Variants in APBA2 observed in about 807,000 individuals in gnomAD.
APBA2 encodes amyloid-beta A4 precursor protein-binding family A member 2.
APBA2 carries 30 observed loss-of-function variants against 75.0 expected under a neutral mutation model. The ratio of observed to expected loss-of-function variants is 0.40; its 90% CI spans 0.30 to 0.54. APBA2 has a LOEUF of 0.54. Among genes scored for constraint, APBA2 ranks in the 20% least tolerant of loss-of-function variants. The pLI is 0.49. For synonymous variants in APBA2, 444 were observed against 409.6 expected (o/e 1.08, Z -1.01); for missense variants, 801 against 1,016.1 (o/e 0.79, Z 2.88).
At chr15:29,067,925 G>A (rs756954477) in intron 4 of APBA2, among the ~76,000 whole-genome samples, 1 of 152,114 alleles carries the variant, frequency 6.6e-6, no homozygotes, top group African/African-American at 2.4e-5. Flanking sequence ...TGGACTCCTC[G>A]TATTAGGAGA....
chr15:28,931,416 C>T (rs778998719), intron 2 of APBA2, among the ~76,000 whole-genome samples: 2 of 152,190 alleles, frequency 1.3e-5, no homozygotes, highest in East Asian at 1.9e-4. Flanking sequence ...GGGAGTCTCA[C>T]GCCACTGCCT....
chr15:28,939,992 A>G (rs575256799), intron 2 of APBA2, among the ~76,000 whole-genome samples: 159 of 152,358 alleles, frequency 1.0e-3, no homozygotes, highest in African/African-American at 3.7e-3. Flanking sequence ...TTACAGCCCT[A>G]CAAAGTGGGA....
intron 1 of APBA2, among the ~76,000 whole-genome samples, chr15:28,913,074 A>G (rs999726395): frequency 2.0e-5 from 3 of 152,254 alleles, no homozygotes; most frequent in Admixed American, 2.0e-4. Flanking sequence ...TCGTATATAA[A>G]GCAGCATGTG....
chr15:29,058,426 G>A (rs773463604), intron 4 of APBA2, among the ~76,000 whole-genome samples: 3 of 152,010 alleles, frequency 2.0e-5, no homozygotes, highest in South Asian at 2.1e-4. Context: ...CAGGAGAATC[G>A]CTTGAGCCTG....
intron 4 of APBA2, among the ~76,000 whole-genome samples, chr15:29,061,823 C>T (rs1166529730): frequency 1.3e-5 from 2 of 152,212 alleles, no homozygotes; most frequent in African/African-American, 2.4e-5. Flanking sequence ...ACACATGCCC[C>T]GCTGGGCAGC....
chr15:29,068,117 C>T (rs1031745238), intron 4 of APBA2, among the ~76,000 whole-genome samples: 2 of 152,186 alleles, frequency 1.3e-5, no homozygotes, highest in African/African-American at 4.8e-5. Flanking sequence ...GGGCTCGAGG[C>T]CAAGTGTGGA....
chr15:29,093,304 C>T, intron 7 of APBA2, 84 bp downstream of exon 7: 5 of 1,550,878 alleles, frequency 3.2e-6, no homozygotes, highest in Non-Finnish European at 4.4e-6. Context: ...GGCGTAGGCC[C>T]TCTTCCAGCT....
At chr15:29,096,080 T>C (rs1253166371) in intron 8 of APBA2, among the ~76,000 whole-genome samples, 1 of 148,266 alleles carries the variant, frequency 6.7e-6, no homozygotes. Flanking sequence ...TACATTTAAT[T>C]ACGGTTTGTT....
At chr15:28,933,188 T>C (rs1042676764) in intron 2 of APBA2, among the ~76,000 whole-genome samples, 1 of 152,182 alleles carries the variant, frequency 6.6e-6, no homozygotes, top group Admixed American at 6.5e-5. Context: ...CTTCTCAACA[T>C]TGTTGCATCG....
At chr15:28,965,565 A>G (rs1276684820) in intron 2 of APBA2, among the ~76,000 whole-genome samples, 1 of 152,254 alleles carries the variant, frequency 6.6e-6, no homozygotes, top group Non-Finnish European at 1.5e-5. Flanking sequence ...TTTAGGCAGA[A>G]TCGACCTTTT....
At chr15:28,943,897 G>A (rs947198944) in intron 2 of APBA2, among the ~76,000 whole-genome samples, 2 of 152,110 alleles carry the variant, frequency 1.3e-5, no homozygotes, top group African/African-American at 4.8e-5. Context: ...ATCCCAGAGG[G>A]CCCCCTTTGT....
At chr15:28,998,046 C>T (rs577346282) in intron 3 of APBA2, among the ~76,000 whole-genome samples, 25 of 152,168 alleles carry the variant, frequency 1.6e-4, no homozygotes, top group South Asian at 6.2e-4. Flanking sequence ...AAGAAAGGGC[C>T]GGGGTTTATT....
At chr15:28,912,957 T>C (rs1346347059) in intron 1 of APBA2, among the ~76,000 whole-genome samples, 1 of 152,256 alleles carries the variant, frequency 6.6e-6, no homozygotes, top group East Asian at 1.9e-4. Context: ...TGCTAGGCAC[T>C]GCGGTGGGCG....
chr15:28,937,543 C>T (rs2034947390), intron 2 of APBA2, among the ~76,000 whole-genome samples: 1 of 152,172 alleles, frequency 6.6e-6, no homozygotes, highest in Non-Finnish European at 1.5e-5. Context: ...CTCCTGGTGG[C>T]TGCTTACTCT....
rs2041333491 is a variant in APBA2 at position 29,046,407 on chromosome 15, G to A, written c.-40-7438G>A. Among the ~76,000 whole-genome samples the A allele has an allele frequency of 6.6e-6, 1 of 152,168 alleles. No individual in the cohort carries two copies. The highest frequency in any genetic ancestry group is 1.5e-5 in the Non-Finnish European group (1 of 68,028). On this transcript the variant is annotated intron_variant, in intron 3 of 14. Transcript: ENST00000683413. This position sits in a 1 kb window ranked among gnomAD's most constrained non-coding sequence, Gnocchi z 5.0. ...TGCCAGGCCACCCACCTTTGCCCTT[G>A]TTTGAAGAAGCTGGGGACAGTTGTC...
chr15:28,888,526 C>T (rs2031909928), intron 1 of APBA2, among the ~76,000 whole-genome samples: 1 of 152,208 alleles, frequency 6.6e-6, no homozygotes, highest in African/African-American at 2.4e-5. Context: ...GCCACGCATA[C>T]CTGCCCCGGT....
intron 3 of APBA2, among the ~76,000 whole-genome samples, chr15:29,006,006 C>T (rs1225120080): frequency 6.6e-6 from 1 of 152,202 alleles, no homozygotes; most frequent in Non-Finnish European, 1.5e-5. Context: ...AAAGGCTTTT[C>T]CTCTTAAGAT....
rs1037522384 is a variant in APBA2 at position 29,102,190 on chromosome 15, G to A, written c.1524+406G>A. The A allele has an allele frequency of 9.8e-6, 3 of 307,488 alleles. No homozygotes were observed. The East Asian group carries it at 2.7e-4, about 27-fold the overall frequency. 19.0% of individuals were successfully genotyped at this position (307,488 alleles called of 1,614,324 possible). Reference sequence around the variant, plus strand: ...ACATGAGGCTTAGTTCTGCCTTTGCGTGTGGTCTTCAGAGGAAGTAAAAAG... The same window carrying A: ...ACATGAGGCTTAGTTCTGCCTTTGCATGTGGTCTTCAGAGGAAGTAAAAAG... On this transcript the variant is annotated intron_variant, in intron 10 of 14. Coordinates refer to ENST00000683413, the MANE Select transcript of APBA2 (RefSeq NM_001353788.2).
intron 11 of APBA2, 40 bp from the exon 12 acceptor site, chr15:29,106,567 C>T (rs1206814052): frequency 1.2e-6 from 2 of 1,610,592 alleles, no homozygotes; most frequent in Non-Finnish European, 1.7e-6. Context: ...GGCCTCGGTC[C>T]TTGCCGCCAG....
Sources: gnomAD v4.1 joint callset for allele counts (sites outside exome capture counted in the v4.1 genomes callset) on GRCh38, gnomAD v4.1.1 for gene constraint, Gnocchi (gnomAD v3.1) non-coding constraint, MANE v1.5 for transcripts, NCBI Gene and HGNC (gene_info 2026-07-23, HGNC 2026-07-21) for gene names.